TLR3: variants seen among roughly 807,000 people sequenced by gnomAD.
TLR3 encodes the protein toll like receptor 3.
TLR3 carries 43 observed loss-of-function variants against 66.4 expected under a neutral mutation model. That is an observed-to-expected ratio of 0.65 (90% CI 0.51 to 0.83). The LOEUF (loss-of-function observed/expected upper bound fraction) is 0.83, where lower values mean the gene tolerates loss of function less well. TLR3 is among the 40% of genes least tolerant of loss of function. TLR3 has a pLI of 0.00. For missense variants in TLR3, 982 were observed against 1,044.6 expected, an observed-to-expected ratio of 0.94 and a Z score of 0.83; for synonymous variants, 397 against 397.2, an observed-to-expected ratio of 1.00 and a Z score of 0.01.
chr4:186,070,677 A>G (rs967060168), intron 1 of TLR3, among the ~76,000 whole-genome samples: 1 of 151,170 alleles, frequency 6.6e-6, no homozygotes, highest in Non-Finnish European at 1.5e-5. Flanking sequence ...CATGAGCCAC[A>G]GGTAATTTTC....
rs543430069 is a variant in TLR3, at chr4:186,085,852, T to A, written c.*979T>A. ...AAAGACTATTTTTATTTTTGTTTTT[T>A]TGTTTGTTTGTTTTTTATTTGTTTG... On this transcript the variant is annotated 3_prime_UTR_variant, in exon 5 of 5. Coordinates refer to ENST00000296795, the MANE Select transcript of TLR3 (RefSeq NM_003265.3). 6.6e-6 allele frequency: 1 copy of A among 152,178 alleles called. No homozygotes were observed. Among genetic ancestry groups the A allele is most frequent in the African/African-American group, 2.4e-5 (1 of 41,440 alleles). 9.4% of individuals were successfully genotyped at this position (152,178 alleles called of 1,614,324 possible).
chr4:186,082,484 A>G lies in TLR3; in HGVS notation c.798A>G (p.Thr266=), dbSNP rs773691155. ...SNSQLSTTSN[T]TFLGLKWTNL... is the part of the protein sequence containing the mutation. ...GCCAGCTGTCCACCACCAGCAATAC[A>G]ACTTTCTTGGGACTAAAGTGGACAA... The change falls in exon 4 of 5, where the codon ACA becomes ACG. Residue 266 remains threonine, a synonymous_variant. Coordinates refer to ENST00000296795, the MANE Select transcript of TLR3 (RefSeq NM_003265.3). 2.0e-5 allele frequency: 33 copies of G among 1,614,036 alleles called. No homozygotes were observed. The highest frequency in any genetic ancestry group is 2.6e-5 in the Non-Finnish European group (31 of 1,180,036).
At chr4:186,076,172 A>G (rs2099302420) in intron 1 of TLR3, among the ~76,000 whole-genome samples, 1 of 152,230 alleles carries the variant, frequency 6.6e-6, no homozygotes. Flanking sequence ...ACAGAACAAA[A>G]TAAAACGAAA....
Position 186,084,831 on chromosome 4 carries a change from T to C in TLR3, c.2673T>C (p.His891=). The C allele has an allele frequency of 6.2e-7, 1 of 1,614,064 alleles. No individual in the cohort carries two copies. Among genetic ancestry groups the C allele is most frequent in the Non-Finnish European group, 8.5e-7 (1 of 1,179,990 alleles). Residue 891 remains histidine, a synonymous_variant, in exon 5 of 5, where the codon CAT becomes CAC. Coordinates refer to ENST00000296795, the MANE Select transcript of TLR3 (RefSeq NM_003265.3). The stretch of plus-strand genomic sequence containing the variant: ...AAGAACGGATAGGTGCCTTTCGTCA[T>C]AAATTGCAAGTAGCACTTGGATCCA... ...VQKERIGAFR[H]KLQVALGSKN... is the part of the protein sequence containing the mutation.
rs781701275 is a variant in TLR3 at position 186,083,788 on chromosome 4, C to G, written c.2102C>G (p.Pro701Arg). Residue 701 changes from proline to arginine, a missense_variant, in exon 4 of 5, where the codon CCC (proline) becomes CGC (arginine). Physicochemically the swap from Pro to Arg is moderately radical, Grantham distance 103 (BLOSUM62 -2). Coordinates refer to ENST00000296795, the MANE Select transcript of TLR3 (RefSeq NM_003265.3). This position sits in a 1 kb window ranked among gnomAD's most constrained non-coding sequence, Gnocchi z 4.0. ...FDTSSCKDSA[P>R]FELFFMINTS... ...ACATCATCTTGCAAAGACAGTGCCC[C>G]CTTTGAACTCTTTTTCATGATCAAT... The G allele has an allele frequency of 1.4e-5, 23 of 1,614,030 alleles. No homozygotes were observed. The highest frequency in any genetic ancestry group is 1.9e-5 in the Non-Finnish European group (23 of 1,179,990).
chr4:186,085,042 G>T lies in TLR3; in HGVS notation c.*169G>T. 1.6e-6 allele frequency: 1 copy of T among 643,252 alleles called. No homozygotes were observed. Among genetic ancestry groups the T allele is most frequent in the Non-Finnish European group, 2.7e-6 (1 of 376,778 alleles). The allele number at this position is 643,252 out of a possible 1,614,324, so 39.8% of individuals were successfully genotyped here. A position where few individuals can be genotyped will look rare whatever the true frequency, so the allele number is the denominator to read the frequency against. Reference sequence around the variant, plus strand: ...TAGGAAAATGTGTCTCCTTATTTCAGGCCTATTTTTGACAATTGACTTAAT... The same window carrying T: ...TAGGAAAATGTGTCTCCTTATTTCATGCCTATTTTTGACAATTGACTTAAT... On this transcript the variant is annotated 3_prime_UTR_variant, in exon 5 of 5. Coordinates refer to ENST00000296795, the MANE Select transcript of TLR3 (RefSeq NM_003265.3).
Position 186,082,042 on chromosome 4 carries a change from C to T in TLR3, c.634-278C>T, listed in dbSNP as rs183113262. The T allele has an allele frequency of 4.7e-4, 195 of 413,392 alleles. 2 individuals are homozygous for T. The highest frequency in any genetic ancestry group is 4.0e-3 in the South Asian group (162 of 40,640). 25.6% of individuals were successfully genotyped at this position (413,392 alleles called of 1,614,324 possible). ...GAGTTCAAGACCAGCCTGGCCTACA[C>T]GGTGAAACCCCGACTCTACTAAAAA... On this transcript the variant is annotated intron_variant, in intron 3 of 4. Coordinates refer to ENST00000296795, the MANE Select transcript of TLR3 (RefSeq NM_003265.3).
In TLR3 at chr4:186,081,233, C is replaced by T. The variant is rs1467124874; in HGVS notation, c.634-1087C>T. Among the ~76,000 whole-genome samples, 5 of 150,292 alleles carry T rather than the reference C, an allele frequency of 3.3e-5. No homozygotes were observed. In the East Asian group the frequency reaches 9.9e-4, roughly 30 times the overall value. ...GCAGGGAGCTGAGATCGCACCACTG[C>T]ACTCCACCCTGGGGGACAGAGCGAA... On this transcript the variant is annotated intron_variant, in intron 3 of 4. Transcript: ENST00000296795.
At chr4:186,074,906 C>A (rs1463733120) in intron 1 of TLR3, among the ~76,000 whole-genome samples, 1 of 152,022 alleles carries the variant, frequency 6.6e-6, no homozygotes, top group Admixed American at 6.6e-5. Flanking sequence ...CCTTCCACCA[C>A]GTCGTGTCCC....
At chr4:186,078,798 A>G (rs1001178279) in intron 2 of TLR3, 42 bp from the exon 3 acceptor site, 2 of 1,562,118 alleles carry the variant, frequency 1.3e-6, no homozygotes, top group African/African-American at 1.4e-5. Flanking sequence ...ACTGTTTTTG[A>G]CAGCAAGACT....
In TLR3 at chr4:186,084,674, C is replaced by A. The variant is rs201540925; in HGVS notation, c.2516C>A (p.Ala839Asp). ...RFKVHHAVQQ[A>D]IEQNLDSIIL... is the part of the protein sequence containing the mutation. ...AAGGTACATCATGCAGTTCAACAAG[C>A]TATTGAACAAAATCTGGATTCCATT... Residue 839 changes from alanine (A) to aspartate (D), a missense_variant, in exon 5 of 5, where the codon GCT becomes GAT. By Grantham distance (126) the Ala-to-Asp change is moderately radical (BLOSUM62 -2). This residue lies in a region of TLR3 where 666 missense variants were observed against 709.0 expected (regional missense o/e 0.94). Coordinates refer to ENST00000296795, the MANE Select transcript of TLR3 (RefSeq NM_003265.3). 1.1e-5 allele frequency: 18 copies of A among 1,612,932 alleles called. No homozygotes were observed. The Admixed American group carries it at 1.7e-4, about 15-fold the overall frequency.
chr4:186,072,123 T>C (rs1022454150), intron 1 of TLR3, among the ~76,000 whole-genome samples: 1 of 152,166 alleles, frequency 6.6e-6, no homozygotes, highest in Non-Finnish European at 1.5e-5. Flanking sequence ...TGGTCATTTA[T>C]AAAGAAAGAG....
At position 186,074,169 on chromosome 4, in the gene TLR3, T is replaced by TATTTACCCC. The variant is rs200195931; in HGVS notation, c.-7-2442_-7-2434dup. Among the ~76,000 whole-genome samples the TATTTACCCC allele has an allele frequency of 2.7e-4, 41 of 152,322 alleles. No individual in the cohort carries two copies. In the East Asian group the frequency reaches 7.3e-3, roughly 27 times the overall value. On this transcript the variant is annotated intron_variant, in intron 1 of 4. Coordinates refer to ENST00000296795, the MANE Select transcript of TLR3 (RefSeq NM_003265.3). ...ATGGCCCAGGCATTCCAATCCTAGT[T>TATTTACCCC]ATTTACCCCAAAGAAATAGAACACA...
At position 186,076,653 on chromosome 4, in the gene TLR3, G is replaced by C. The variant is rs199539539; in HGVS notation, c.34G>C (p.Gly12Arg). ...GACTTTGCCTTGTATCTACTTTTGG[G>C]GGGGCCTTTTGCCCTTTGGGATGCT... is the stretch of plus-strand genomic sequence containing the variant. ...RQTLPCIYFW[G>R]GLLPFGMLCA... Residue 12 changes from glycine to arginine, a missense_variant, in exon 2 of 5, where the codon GGG becomes CGG. By Grantham distance (125) the Gly-to-Arg change is moderately radical. Coordinates refer to ENST00000296795, the MANE Select transcript of TLR3 (RefSeq NM_003265.3). 1.1e-4 allele frequency: 178 copies of C among 1,614,074 alleles called. No individual in the cohort carries two copies. In the East Asian group the frequency reaches 3.8e-3, roughly 35 times the overall value.
intron 2 of TLR3, among the ~76,000 whole-genome samples, 175 bp from the exon 3 acceptor site, chr4:186,078,665 C>T (rs1303681410): frequency 6.6e-6 from 1 of 152,060 alleles, no homozygotes; most frequent in Non-Finnish European, 1.5e-5. Flanking sequence ...AAGATTATAA[C>T]GTAACAAAGA....
intron 3 of TLR3, among the ~76,000 whole-genome samples, chr4:186,081,100 T>C (rs1259867254): frequency 6.6e-6 from 1 of 152,086 alleles, no homozygotes; most frequent in Non-Finnish European, 1.5e-5. Flanking sequence ...CTTAATTGTA[T>C]GGGAGATGTT....
At chr4:186,079,103 A>G in intron 3 of TLR3, 72 bp downstream of exon 3, 2 of 1,299,636 alleles carry the variant, frequency 1.5e-6, no homozygotes, top group Non-Finnish European at 2.2e-6. Context: ...TCACATACAC[A>G]GGAATGTAAT....
intron 1 of TLR3, among the ~76,000 whole-genome samples, chr4:186,075,868 T>C (rs2150066069): frequency 6.6e-6 from 1 of 152,066 alleles, no homozygotes; most frequent in South Asian, 2.1e-4. Context: ...AAAATAAAAA[T>C]TAACTGGCTG....
At chr4:186,081,252 G>C (rs2099303393) in intron 3 of TLR3, among the ~76,000 whole-genome samples, 1 of 141,356 alleles carries the variant, frequency 7.1e-6, no homozygotes, top group African/African-American at 2.6e-5. Flanking sequence ...CTGGGGGACA[G>C]AGCGAAACTC....
Sources: gnomAD v4.1 joint callset for allele counts (sites outside exome capture counted in the v4.1 genomes callset) on GRCh38, gnomAD v4.1.1 for gene constraint, gnomAD v4.1.1 regional missense constraint, Gnocchi (gnomAD v3.1) non-coding constraint, MANE v1.5 for transcripts, NCBI Gene and HGNC (gene_info 2026-07-23, HGNC 2026-07-21) for gene names.